The following WARS2 variants were observed in gnomAD, a reference collection of about 807,000 sequenced individuals.
WARS2 encodes tryptophanyl tRNA synthetase 2, mitochondrial.
Under a neutral mutation model 36.5 loss-of-function variants are expected in WARS2, and 28 were observed. The observed-to-expected ratio is 0.77, with a 90% confidence interval of 0.57 to 1.05. WARS2 has a LOEUF of 1.05. Among genes scored for constraint, WARS2 ranks in the 50% least tolerant of loss-of-function variants. WARS2 has a pLI of 0.00. For synonymous variants in WARS2, 174 were observed against 178.4 expected (o/e 0.98, Z 0.20); for missense variants, 435 against 456.8 (o/e 0.95, Z 0.44).
chr1:119,086,881 G>C (rs1652712227), intron 1 of WARS2, among the ~76,000 whole-genome samples: 1 of 152,024 alleles, frequency 6.6e-6, no homozygotes, highest in Non-Finnish European at 1.5e-5. Context: ...CCTTTCTTCT[G>C]TAGAGTACTC....
At chr1:119,086,223 T>C (rs1310917194) in intron 1 of WARS2, among the ~76,000 whole-genome samples, 1 of 152,128 alleles carries the variant, frequency 6.6e-6, no homozygotes, top group Non-Finnish European at 1.5e-5. Flanking sequence ...ATATTTTCAT[T>C]ATCTCTTGTG....
intron 2 of WARS2, among the ~76,000 whole-genome samples, chr1:119,047,772 C>A (rs746109828): frequency 2.0e-5 from 3 of 152,032 alleles, no homozygotes; most frequent in Non-Finnish European, 4.4e-5. Flanking sequence ...TGCTGTGAAA[C>A]CAAAAACAAA....
intron 1 of WARS2, among the ~76,000 whole-genome samples, chr1:119,107,897 C>T (rs188596337): frequency 4.6e-5 from 7 of 151,832 alleles, no homozygotes; most frequent in South Asian, 2.1e-4. Flanking sequence ...ATGAGTGTTG[C>T]GTTTTGTTAA....
chr1:119,040,286 A>C (rs754070628), intron 4 of WARS2, among the ~76,000 whole-genome samples: 2 of 152,234 alleles, frequency 1.3e-5, no homozygotes, highest in Non-Finnish European at 2.9e-5. Context: ...CTGTAAAGCA[A>C]TGGAATTAAA....
At chr1:119,093,188 G>A (rs1029074440) in intron 1 of WARS2, among the ~76,000 whole-genome samples, 1 of 151,924 alleles carries the variant, frequency 6.6e-6, no homozygotes, top group African/African-American at 2.4e-5. Flanking sequence ...GAAATATAGG[G>A]TTCAAGTTTT....
intron 1 of WARS2, among the ~76,000 whole-genome samples, chr1:119,104,047 G>A (rs867887764): frequency 5.3e-5 from 8 of 151,374 alleles, no homozygotes; most frequent in Middle Eastern, 3.4e-3. Context: ...TCAAGCTCCT[G>A]AGTTCAAGTG....
At chr1:119,055,382 G>C (rs947283508) in intron 2 of WARS2, among the ~76,000 whole-genome samples, 1 of 152,144 alleles carries the variant, frequency 6.6e-6, no homozygotes, top group East Asian at 1.9e-4. Context: ...GGAGGCTGAG[G>C]AAGGTGGATT....
rs746613400 is a variant in WARS2, at chr1:119,033,258, C to G, written c.736G>C (p.Glu246Gln). Reference sequence around the variant, plus strand: ...GCCTTGCGGAATTTCTGCACTATCTCCTCTGGGCTGTCTGTTATTCGGACG... The same window carrying G: ...GCCTTGCGGAATTTCTGCACTATCTGCTCTGGGCTGTCTGTTATTCGGACG... ...ATVRITDSPE[E>Q]IVQKFRKAVT... The change falls in exon 6 of 6, where the codon GAG becomes CAG. Residue 246 changes from glutamate to glutamine, a missense_variant. Coordinates refer to ENST00000235521, the MANE Select transcript of WARS2 (RefSeq NM_015836.4). 21 of 1,614,254 alleles carry G rather than the reference C, an allele frequency of 1.3e-5. No individual in the cohort carries two copies. The highest frequency in any genetic ancestry group is 1.7e-5 in the Non-Finnish European group (20 of 1,180,042).
intron 4 of WARS2, among the ~76,000 whole-genome samples, chr1:119,038,166 T>A (rs1443303065): frequency 6.6e-6 from 1 of 152,194 alleles, no homozygotes; most frequent in Non-Finnish European, 1.5e-5. Flanking sequence ...TGCCTTTCAG[T>A]AGGGTTCTGG....
chr1:119,059,800 C>T (rs914351645), intron 2 of WARS2, among the ~76,000 whole-genome samples: 4 of 152,146 alleles, frequency 2.6e-5, no homozygotes, highest in African/African-American at 9.7e-5. Flanking sequence ...CATGGATGAG[C>T]TGGAGGCCAT....
chr1:119,077,150 G>GAAAAAAAAAAA (rs1427699692), intron 1 of WARS2, among the ~76,000 whole-genome samples: 2 of 54,310 alleles, frequency 3.7e-5, no homozygotes, highest in Non-Finnish European at 7.9e-5. Context: ...AAAAAAAAAG[G>GAAAAAAAAAAA]AAAAGATCTG....
intron 4 of WARS2, among the ~76,000 whole-genome samples, chr1:119,037,589 G>A (rs1415607877): frequency 6.6e-6 from 1 of 152,186 alleles, no homozygotes; most frequent in African/African-American, 2.4e-5. Flanking sequence ...GAAGACCCAC[G>A]ATGTGAAAGT....
Position 119,033,214 on chromosome 1 carries a change from C to T in WARS2, c.780G>A (p.Ser260=), listed in dbSNP as rs1046483463. 2.5e-6 allele frequency: 4 copies of T among 1,614,248 alleles called. No homozygotes were observed. Among genetic ancestry groups the T allele is most frequent in the Middle Eastern group, 1.6e-4 (1 of 6,062 alleles). The change falls in exon 6 of 6, where the codon TCG becomes TCA. Residue 260 remains serine, a synonymous_variant. Coordinates refer to ENST00000235521, the MANE Select transcript of WARS2 (RefSeq NM_015836.4). The stretch of plus-strand genomic sequence containing the variant: ...GGCCAGCCGGGTCATAGGTGACCTC[C>T]GAGGTGAAGTCTGTCACAGCCTTGC... The part of the protein sequence containing the change: ...KFRKAVTDFT[S]EVTYDPAGRA...
At position 119,076,467 on chromosome 1, in the gene WARS2, G is replaced by A. The variant is rs766501807; in HGVS notation, c.231C>T (p.His77=). Residue 77 remains histidine (H), a synonymous_variant, in exon 2 of 6, where the codon CAC becomes CAT. Transcript: ENST00000235521. Reference sequence around the variant, plus strand: ...CTGGGTCTTGGGGGACAGTAATGGAGTGGAGGTCAACAATGCTGTATAATA... The same window carrying A: ...CTGGGTCTTGGGGGACAGTAATGGAATGGAGGTCAACAATGCTGTATAATA... The part of the protein sequence containing the change: ...DSVLYSIVDL[H]SITVPQDPAV... The A allele has an allele frequency of 6.2e-7, 1 of 1,614,176 alleles. No individual in the cohort carries two copies. Among genetic ancestry groups the A allele is most frequent in the Non-Finnish European group, 8.5e-7 (1 of 1,180,034 alleles).
intron 3 of WARS2, among the ~76,000 whole-genome samples, chr1:119,045,232 G>A (rs1648693773): frequency 6.6e-6 from 1 of 152,128 alleles, no homozygotes; most frequent in Non-Finnish European, 1.5e-5. Flanking sequence ...CTTACTGCCA[G>A]TTAATTCCAG....
At chr1:119,049,267 A>G (rs1286907558) in intron 2 of WARS2, among the ~76,000 whole-genome samples, 1 of 152,116 alleles carries the variant, frequency 6.6e-6, no homozygotes, top group Non-Finnish European at 1.5e-5. Flanking sequence ...TGGGCCACCA[A>G]GCGGCCCAAC....
At chr1:119,082,467 AG>A (rs765074471) in intron 1 of WARS2, 9 of 985,280 alleles carry the variant, frequency 9.1e-6, no homozygotes, top group Non-Finnish European at 1.1e-5. Flanking sequence ...TAGGAATCAT[AG>A]GCATCATTTT....
intron 1 of WARS2, among the ~76,000 whole-genome samples, chr1:119,121,181 A>G (rs1289100671): frequency 6.6e-6 from 1 of 152,130 alleles, no homozygotes; most frequent in African/African-American, 2.4e-5. Flanking sequence ...GATCTAATAA[A>G]TGAATTCTGT....
At chr1:119,085,777 C>A (rs1652604650) in intron 1 of WARS2, 6 of 1,600,894 alleles carry the variant, frequency 3.7e-6, no homozygotes. Flanking sequence ...ACAATCTCCC[C>A]ATACTGTGAG....
Sources: gnomAD v4.1 joint callset for allele counts (sites outside exome capture counted in the v4.1 genomes callset) on GRCh38, gnomAD v4.1.1 for gene constraint, MANE v1.5 for transcripts, NCBI Gene and HGNC (gene_info 2026-07-23, HGNC 2026-07-21) for gene names.